The following GPC6 variants were observed in gnomAD, a reference collection of about 807,000 sequenced individuals.
The protein encoded by GPC6 is glypican 6.
Under a neutral mutation model 55.2 loss-of-function variants are expected in GPC6, and 14 were observed. The observed-to-expected ratio is 0.25, with a 90% CI of 0.17 to 0.40. GPC6 has a LOEUF of 0.40. GPC6 is among the 10% of genes least tolerant of loss of function. The pLI is 1.00. For synonymous variants in GPC6, 278 were observed against 259.6 expected, an observed-to-expected ratio of 1.07 and a Z score of -0.68; for missense variants, 641 against 708.5, an observed-to-expected ratio of 0.90 and a Z score of 1.08.
At chr13:94,001,336 G>T (rs909365729) in intron 3 of GPC6, among the ~76,000 whole-genome samples, 35 of 152,046 alleles carry the variant, frequency 2.3e-4, no homozygotes, top group African/African-American at 6.5e-4. Context: ...ATGTCATTAT[G>T]TTAGTTAAAA....
intron 1 of GPC6, among the ~76,000 whole-genome samples, chr13:93,276,479 AGAGAGAGAGAGAGAGAGTGTGTGTGT>A (rs952307262): frequency 4.4e-5 from 6 of 135,136 alleles, no homozygotes; most frequent in South Asian, 2.5e-4. Flanking sequence ...AGAGAGAGAG[AGAGAGAGAGAGAGAGAGTGTGTGTGT>A]GTGTGTGTGT....
intron 4 of GPC6, among the ~76,000 whole-genome samples, chr13:94,279,968 C>A (rs1892326092): frequency 1.3e-5 from 2 of 152,084 alleles, no homozygotes; most frequent in African/African-American, 4.8e-5. Context: ...TCCACTTGAT[C>A]CAGAGCTGAG....
intron 4 of GPC6, among the ~76,000 whole-genome samples, chr13:94,216,341 A>G (rs986070363): frequency 6.6e-6 from 1 of 152,122 alleles, no homozygotes; most frequent in Non-Finnish European, 1.5e-5. Context: ...TAAACTTCAG[A>G]TCTTGTTGGG....
chr13:93,446,966 G>C (rs1364069640), intron 1 of GPC6, among the ~76,000 whole-genome samples: 2 of 151,820 alleles, frequency 1.3e-5, no homozygotes, highest in Non-Finnish European at 2.9e-5. Flanking sequence ...ATTTTTTTGG[G>C]GGGGTGGGTG....
At chr13:94,089,870 C>A (rs1283387771) in intron 4 of GPC6, among the ~76,000 whole-genome samples, 1 of 151,960 alleles carries the variant, frequency 6.6e-6, no homozygotes, top group Non-Finnish European at 1.5e-5. Context: ...AAACACAGAA[C>A]CTTTAAATGA....
At chr13:94,177,708 ATATT>A (rs1888831893) in intron 4 of GPC6, among the ~76,000 whole-genome samples, 1 of 152,142 alleles carries the variant, frequency 6.6e-6, no homozygotes, top group African/African-American at 2.4e-5. Context: ...AATATTAATA[ATATT>A]TATATGTTTT....
intron 1 of GPC6, among the ~76,000 whole-genome samples, chr13:93,252,425 AT>A (rs1431135854): frequency 1.9e-4 from 29 of 152,216 alleles, no homozygotes; most frequent in African/African-American, 7.0e-4. Context: ...GACTAATTTG[AT>A]TTGTGCACAC....
intron 1 of GPC6, among the ~76,000 whole-genome samples, chr13:93,376,223 T>C (rs772758030): frequency 6.6e-6 from 1 of 152,120 alleles, no homozygotes; most frequent in Non-Finnish European, 1.5e-5. Context: ...GATGTTGTTA[T>C]TTTGAGCCCC....
intron 4 of GPC6, among the ~76,000 whole-genome samples, chr13:94,091,540 G>T (rs1262384012): frequency 6.6e-6 from 1 of 152,068 alleles, no homozygotes; most frequent in African/African-American, 2.4e-5. Flanking sequence ...GATATCTGTG[G>T]AGTTCTGCAA....
At chr13:93,284,320 A>T (rs917641747) in intron 1 of GPC6, among the ~76,000 whole-genome samples, 1 of 152,206 alleles carries the variant, frequency 6.6e-6, no homozygotes, top group Non-Finnish European at 1.5e-5. Flanking sequence ...ATGTCTTACA[A>T]ATAGGGTTTA....
chr13:93,672,859 T>G (rs7984004), intron 2 of GPC6, among the ~76,000 whole-genome samples: 1 of 152,054 alleles, frequency 6.6e-6, no homozygotes, highest in Non-Finnish European at 1.5e-5. Context: ...TGCTGAAACA[T>G]TGACCCCCAA....
intron 2 of GPC6, among the ~76,000 whole-genome samples, chr13:93,658,525 G>A (rs77999315): frequency 6.6e-6 from 1 of 151,644 alleles, no homozygotes; most frequent in East Asian, 1.9e-4. Flanking sequence ...CCAGTGTTTG[G>A]TCATGTCACT....
intron 1 of GPC6, among the ~76,000 whole-genome samples, chr13:93,490,514 G>GTTTTTTTTTTTTT (rs796098096): frequency 2.8e-5 from 1 of 35,318 alleles, no homozygotes; most frequent in Non-Finnish European, 4.9e-5. Context: ...TTTTTTTTGA[G>GTTTTTTTTTTTTT]TTTTTTTTTT....
At chr13:94,383,509 T>C (rs1880270248) in intron 7 of GPC6, among the ~76,000 whole-genome samples, 1 of 152,156 alleles carries the variant, frequency 6.6e-6, no homozygotes, top group Non-Finnish European at 1.5e-5. Flanking sequence ...GGTGGGAAGA[T>C]AGCTTGAGCC....
intron 1 of GPC6, among the ~76,000 whole-genome samples, chr13:93,286,144 C>T (rs1052620320): frequency 1.3e-5 from 2 of 152,072 alleles, no homozygotes; most frequent in African/African-American, 4.8e-5. Context: ...CCTCAGGAAA[C>T]TTACAACCCT....
chr13:93,240,779 A>T (rs960190153), intron 1 of GPC6, among the ~76,000 whole-genome samples: 11 of 152,110 alleles, frequency 7.2e-5, no homozygotes, highest in African/African-American at 2.4e-4. Context: ...TTGCGTATAG[A>T]ACTTTCATTC....
intron 4 of GPC6, among the ~76,000 whole-genome samples, chr13:94,155,793 C>T (rs1249258802): frequency 1.3e-5 from 2 of 152,274 alleles, no homozygotes; most frequent in Non-Finnish European, 2.9e-5. Flanking sequence ...GCCACCTGTC[C>T]TCTGCCTCCC....
chr13:93,880,236 A>T, intron 3 of GPC6, among the ~76,000 whole-genome samples: 1 of 151,528 alleles, frequency 6.6e-6, no homozygotes, highest in Non-Finnish European at 1.5e-5. Flanking sequence ...AAGGACTATA[A>T]ATCATGCTGC....
At chr13:93,531,283 TATATA>T (rs1459230585) in intron 1 of GPC6, among the ~76,000 whole-genome samples, 1 of 151,020 alleles carries the variant, frequency 6.6e-6, no homozygotes, top group Non-Finnish European at 1.5e-5. Flanking sequence ...ATTATAATGA[TATATA>T]ATATATATGA....
Sources: gnomAD v4.1 joint callset for allele counts (sites outside exome capture counted in the v4.1 genomes callset) on GRCh38, gnomAD v4.1.1 for gene constraint, MANE v1.5 for transcripts, NCBI Gene and HGNC (gene_info 2026-07-23, HGNC 2026-07-21) for gene names.